Variants in RWDD4 observed in about 807,000 individuals in gnomAD.
RWDD4 encodes the protein RWD domain-containing protein 4.
Under a neutral mutation model 30.0 loss-of-function variants are expected in RWDD4, and 16 were observed. That is an observed-to-expected ratio of 0.53 (90% confidence interval 0.36 to 0.81). The LOEUF is 0.81. Ranked by LOEUF, RWDD4 falls within the 30% of genes least tolerant of loss-of-function variation. RWDD4 has a pLI of 0.00. For synonymous variants in RWDD4, 45 were observed against 72.1 expected, an observed-to-expected ratio of 0.62 and a Z score of 1.90; for missense variants, 170 against 223.9, an observed-to-expected ratio of 0.76 and a Z score of 1.54.
intron 2 of RWDD4, among the ~76,000 whole-genome samples, chr4:183,652,154 T>C (rs893409726): frequency 2.0e-5 from 3 of 152,194 alleles, no homozygotes; most frequent in Admixed American, 6.5e-5. Flanking sequence ...AGATCATTAT[T>C]ACACCCAAGA....
In RWDD4 at chr4:183,639,847, A is replaced by T. The variant is rs1733825123; in HGVS notation, c.*1589T>A. On this transcript the variant is annotated 3_prime_UTR_variant, in exon 8 of 8. Transcript: ENST00000326397. ...CATTTCATATAAAAAGAGTAAAAAT[A>T]GTTCATTGGCATGTAACTAGCATCA... is the stretch of plus-strand genomic sequence containing the variant. 1.3e-5 allele frequency: 2 copies of T among 152,574 alleles called. No individual in the cohort carries two copies. The highest frequency in any genetic ancestry group is 2.9e-5 in the Non-Finnish European group (2 of 68,030). 9.5% of individuals were successfully genotyped at this position (152,574 alleles called of 1,614,324 possible). A position where few individuals can be genotyped will look rare whatever the true frequency, so the allele number is the denominator to read the frequency against.
chr4:183,655,778 C>T (rs1734181084), intron 2 of RWDD4, 103 bp downstream of exon 2: 2 of 665,754 alleles, frequency 3.0e-6, no homozygotes, highest in South Asian at 2.0e-5. Flanking sequence ...AAAATACAGA[C>T]ATAATAAATT....
intron 2 of RWDD4, among the ~76,000 whole-genome samples, chr4:183,652,683 G>A (rs796274535): frequency 1.3e-4 from 19 of 151,788 alleles, no homozygotes; most frequent in African/African-American, 2.7e-4. Context: ...GGTGGCATGC[G>A]CCTGTAGTCC....
chr4:183,647,671 A>C (rs1484380817), intron 5 of RWDD4, among the ~76,000 whole-genome samples: 4 of 152,232 alleles, frequency 2.6e-5, no homozygotes, highest in Non-Finnish European at 5.9e-5. Flanking sequence ...ATATTACCTA[A>C]CTGACATAGA....
intron 7 of RWDD4, 68 bp from the exon 8 acceptor site, chr4:183,641,536 C>A: frequency 1.7e-6 from 2 of 1,203,288 alleles, no homozygotes; most frequent in Admixed American, 2.0e-5. Flanking sequence ...CATGGAGTAT[C>A]AAAATTAAAC....
intron 2 of RWDD4, 22 bp from the exon 3 acceptor site, chr4:183,651,349 A>G: frequency 6.4e-7 from 1 of 1,563,036 alleles, no homozygotes. Flanking sequence ...GGGAAATCTT[A>G]GGCTTGTAAA....
chr4:183,643,771 A>G lies in RWDD4; in HGVS notation c.535-2303T>C, dbSNP rs374485205. Among the ~76,000 whole-genome samples the G allele has an allele frequency of 4.6e-5, 7 of 152,304 alleles. No homozygotes were observed. The East Asian group carries it at 1.2e-3, about 25-fold the overall frequency. ...ATCTCTACTAAAAAATACCAAAATT[A>G]GCCAGGTGTGGTGGCAAGCGCCTGT... On this transcript the variant is annotated intron_variant, in intron 7 of 7. Transcript: ENST00000326397.
rs1292946327 is a variant in RWDD4 at position 183,646,503 on chromosome 4, C to T, written c.516G>A (p.Trp172Ter). 1 of 1,612,440 alleles carries T rather than the reference C, an allele frequency of 6.2e-7. No homozygotes were observed. Among genetic ancestry groups the T allele is most frequent in the South Asian group, 1.1e-5 (1 of 90,584 alleles). The change falls in exon 6 of 8, where the codon TGG becomes TGA. Residue 172 changes from tryptophan to a stop codon, truncating the protein, a stop_gained. Transcript: ENST00000326397. LOFTEE classifies it high-confidence loss of function. ...TGTTATATACCTTCACAACATCAAC[C>T]CAGTTCCAGCCTCGAGGAAGTTCTC... ...HKGELPRGWNWVDVVKHLSKT... is the reference protein window; with the variant it reads ...HKGELPRGWN
At chr4:183,648,308 A>C (rs926726925) in intron 5 of RWDD4, among the ~76,000 whole-genome samples, 1 of 152,148 alleles carries the variant, frequency 6.6e-6, no homozygotes, top group Non-Finnish European at 1.5e-5. Context: ...AATAAAGAGA[A>C]ACTTTTTAAC....
chr4:183,652,226 A>G (rs10033002), intron 2 of RWDD4, among the ~76,000 whole-genome samples: 109,729 of 152,136 alleles, frequency 0.72, 39,696 homozygotes, highest in African/African-American at 0.75. Flanking sequence ...CTACCCAATC[A>G]TATCTAAAGT....
chr4:183,655,343 T>G (rs1264314817), intron 2 of RWDD4, among the ~76,000 whole-genome samples: 2 of 151,668 alleles, frequency 1.3e-5, no homozygotes, highest in Non-Finnish European at 2.9e-5. Context: ...TCGCAGTGGC[T>G]TGATCTCGGC....
At chr4:183,652,920 T>C (rs6817580) in intron 2 of RWDD4, among the ~76,000 whole-genome samples, 79,320 of 151,884 alleles carry the variant, frequency 0.52, 21,277 homozygotes, top group African/African-American at 0.61. Flanking sequence ...GACAAGGTCT[T>C]CCTATGTTGC....
intron 7 of RWDD4, among the ~76,000 whole-genome samples, chr4:183,643,099 T>A (rs1265044283): frequency 1.0e-5 from 1 of 97,352 alleles, no homozygotes; most frequent in African/African-American, 4.1e-5. Context: ...AATAAATAAA[T>A]AAATAAAATA....
At chr4:183,643,248 G>A (rs1017854937) in intron 7 of RWDD4, among the ~76,000 whole-genome samples, 1 of 147,624 alleles carries the variant, frequency 6.8e-6, no homozygotes, top group Admixed American at 6.7e-5. Flanking sequence ...CCAATATGGT[G>A]AAACCCCATC....
intron 5 of RWDD4, among the ~76,000 whole-genome samples, chr4:183,646,845 T>C (rs568252059): frequency 2.0e-5 from 3 of 152,240 alleles, no homozygotes; most frequent in Non-Finnish European, 2.9e-5. Context: ...ATTAGTTTCA[T>C]GCATTTGCAT....
chr4:183,653,539 A>G (rs1006070669), intron 2 of RWDD4: 5 of 152,202 alleles, frequency 3.3e-5, no homozygotes, highest in African/African-American at 1.2e-4. Flanking sequence ...ATCAATTATC[A>G]TACTGGTGGT....
intron 1 of RWDD4, among the ~76,000 whole-genome samples, chr4:183,656,992 A>G (rs1263134801): frequency 6.6e-6 from 1 of 152,178 alleles, no homozygotes; most frequent in East Asian, 1.9e-4. Flanking sequence ...GGCCACTGCA[A>G]TCCAGCCTGG....
intron 7 of RWDD4, among the ~76,000 whole-genome samples, chr4:183,643,767 A>C (rs1431534454): frequency 6.6e-6 from 1 of 152,054 alleles, no homozygotes; most frequent in Non-Finnish European, 1.5e-5. Context: ...AAAATACCAA[A>C]ATTAGCCAGG....
chr4:183,648,547 A>G lies in RWDD4; in HGVS notation c.481+904T>C, dbSNP rs375131896. On this transcript the variant is annotated intron_variant, in intron 5 of 7. Coordinates refer to ENST00000326397, the MANE Select transcript of RWDD4 (RefSeq NM_152682.4). Reference sequence around the variant, plus strand: ...GAACATATGAGAATTCTATTCTTAAATATTATTGTTGTATAATTAACTACA... The same window carrying G: ...GAACATATGAGAATTCTATTCTTAAGTATTATTGTTGTATAATTAACTACA... Among the ~76,000 whole-genome samples the G allele has an allele frequency of 2.0e-5, 3 of 152,340 alleles. No homozygotes were observed. The East Asian group carries it at 5.8e-4, about 29-fold the overall frequency.
Sources: gnomAD v4.1 joint callset for allele counts (sites outside exome capture counted in the v4.1 genomes callset) on GRCh38, gnomAD v4.1.1 for gene constraint, MANE v1.5 for transcripts, NCBI Gene and HGNC (gene_info 2026-07-23, HGNC 2026-07-21) for gene names.